Variants in PDZD2 observed in about 807,000 individuals in gnomAD.
The protein encoded by PDZD2 is PDZ domain-containing protein 2.
In PDZD2, 90 loss-of-function variants were observed where a neutral mutation model predicts 220.7. The observed-to-expected ratio is 0.41, with a 90% CI of 0.34 to 0.49. The LOEUF (loss-of-function observed/expected upper bound fraction) is 0.49, where lower values mean the gene tolerates loss of function less well. Ranked by LOEUF, PDZD2 falls within the 20% of genes least tolerant of loss-of-function variation. PDZD2 has a pLI of 0.28. For synonymous variants in PDZD2, 1,375 were observed against 1,450.5 expected (o/e 0.95, Z 1.18); for missense variants, 3,174 against 3,608.5 (o/e 0.88, Z 3.08).
At chr5:31,812,859 G>A (rs13357887) in intron 2 of PDZD2, among the ~76,000 whole-genome samples, 8,216 of 152,212 alleles carry the variant, frequency 0.054, 286 homozygotes, top group African/African-American at 0.1. Context: ...GGTATTACAG[G>A]AGTGAGCCAC....
chr5:32,053,613 C>G (rs1304211961), intron 9 of PDZD2, among the ~76,000 whole-genome samples, 156 bp from the exon 10 acceptor site: 1 of 152,226 alleles, frequency 6.6e-6, no homozygotes, highest in Admixed American at 6.5e-5. Flanking sequence ...GAGTTTGCAG[C>G]TAGTTGCTTA....
intron 2 of PDZD2, among the ~76,000 whole-genome samples, chr5:31,982,275 C>G (rs1335874546): frequency 2.6e-5 from 4 of 152,170 alleles, no homozygotes; most frequent in Non-Finnish European, 5.9e-5. Flanking sequence ...TGTACTGTTG[C>G]CACCAGTGCC....
intron 2 of PDZD2, among the ~76,000 whole-genome samples, chr5:31,902,841 G>A (rs1266246612): frequency 6.6e-6 from 1 of 151,516 alleles, no homozygotes; most frequent in African/African-American, 2.4e-5. Context: ...ACTCCAGCCT[G>A]GATGACAGTG....
At chr5:31,791,302 A>T (rs979159070) in intron 1 of PDZD2, among the ~76,000 whole-genome samples, 24 of 152,082 alleles carry the variant, frequency 1.6e-4, no homozygotes, top group Admixed American at 1.4e-3. Flanking sequence ...GTGAAAAAGC[A>T]CCTATTGGCC....
intron 2 of PDZD2, among the ~76,000 whole-genome samples, chr5:31,856,659 G>T (rs1015304530): frequency 6.6e-6 from 1 of 152,118 alleles, no homozygotes; most frequent in South Asian, 2.1e-4. Context: ...TTGAGCCTCT[G>T]TTCCTGCTAA....
chr5:31,882,327 A>G (rs1006166114), intron 2 of PDZD2, among the ~76,000 whole-genome samples: 3 of 152,148 alleles, frequency 2.0e-5, no homozygotes, highest in Admixed American at 6.5e-5. Flanking sequence ...AGAGAAAAGG[A>G]CCTCAGACCA....
chr5:31,895,148 A>G (rs1741430929), intron 2 of PDZD2, among the ~76,000 whole-genome samples: 1 of 152,152 alleles, frequency 6.6e-6, no homozygotes, highest in South Asian at 2.1e-4. Context: ...TCGGCCTCCC[A>G]AAGTGCTAGG....
intron 1 of PDZD2, among the ~76,000 whole-genome samples, chr5:31,700,510 CT>C (rs1351189116): frequency 6.6e-6 from 1 of 152,194 alleles, no homozygotes; most frequent in Non-Finnish European, 1.5e-5. Context: ...TAGGTGGCCC[CT>C]GTCTCATCCT....
At chr5:31,928,324 C>T (rs1183341126) in intron 2 of PDZD2, among the ~76,000 whole-genome samples, 2 of 152,156 alleles carry the variant, frequency 1.3e-5, no homozygotes, top group East Asian at 1.9e-4. Flanking sequence ...CTGCCTTGGC[C>T]TCTCAAGGTG....
At position 31,649,937 on chromosome 5, in the gene PDZD2, CAAAAAAAAAAAA is replaced by C. The variant is rs6148975; in HGVS notation, c.-361+10516_-361+10527del. ...TGGGCGACAGAGTGAGACTCCGTCT[CAAAAAAAAAAAA>C]AAAAAAAAAAAAAAATTAAGTCTCA... On this transcript the variant is annotated intron_variant, in intron 1 of 24. Coordinates refer to ENST00000438447, the MANE Select transcript of PDZD2 (RefSeq NM_178140.4). Among the ~76,000 whole-genome samples the C allele has an allele frequency of 6.1e-3, 452 of 73,510 alleles. 5 individuals carry two copies. Among genetic ancestry groups the C allele is most frequent in the African/African-American group, 0.024 (424 of 17,480 alleles). The allele number at this position is 73,510 out of a possible 152,430, so 48.2% of individuals were successfully genotyped here.
At chr5:31,900,628 G>A (rs1043950098) in intron 2 of PDZD2, among the ~76,000 whole-genome samples, 1 of 152,218 alleles carries the variant, frequency 6.6e-6, no homozygotes, top group African/African-American at 2.4e-5. Flanking sequence ...CCTGCCGAGA[G>A]GCAATGAGCC....
At chr5:31,994,104 A>G (rs1268875666) in intron 3 of PDZD2, among the ~76,000 whole-genome samples, 1 of 149,392 alleles carries the variant, frequency 6.7e-6, no homozygotes, top group African/African-American at 2.5e-5. Context: ...TGCAACCTCC[A>G]CCTTCTGGGT....
intron 2 of PDZD2, among the ~76,000 whole-genome samples, chr5:31,817,309 C>A (rs1402122548): frequency 6.6e-6 from 1 of 151,672 alleles, no homozygotes; most frequent in Non-Finnish European, 1.5e-5. Context: ...GCCTGGCCAA[C>A]GTGGTGAAAC....
chr5:31,759,993 C>T (rs1413517939), intron 1 of PDZD2, among the ~76,000 whole-genome samples: 2 of 152,186 alleles, frequency 1.3e-5, no homozygotes, highest in Non-Finnish European at 2.9e-5. Context: ...ATCTTCCAAC[C>T]TCAGGACTCT....
chr5:31,703,577 A>C (rs115010130), intron 1 of PDZD2, among the ~76,000 whole-genome samples: 3,612 of 152,262 alleles, frequency 0.024, 148 homozygotes, highest in African/African-American at 0.082. Context: ...AACCCATGGC[A>C]CATGCATGCC....
chr5:32,050,409 AAGG>A (rs1283284114), intron 8 of PDZD2, among the ~76,000 whole-genome samples: 1 of 152,188 alleles, frequency 6.6e-6, no homozygotes, highest in Non-Finnish European at 1.5e-5. Context: ...GAAAGTTTGA[AAGG>A]AGAGTTTTTC....
At chr5:31,724,551 G>C (rs376398056) in intron 1 of PDZD2, among the ~76,000 whole-genome samples, 1 of 142,438 alleles carries the variant, frequency 7.0e-6, no homozygotes, top group South Asian at 2.3e-4. Flanking sequence ...GCAGTGAGCC[G>C]AGATCGTGCC....
At position 32,044,259 on chromosome 5, in the gene PDZD2, G is replaced by A. The variant is rs754372875; in HGVS notation, c.1520-4280G>A. ...CAGGAGAATCGCTTGAACCCAGGAA[G>A]CGGAGGTTTCAGTGAGCTGATATTG... On this transcript the variant is annotated intron_variant, in intron 7 of 24. Transcript: ENST00000438447. Among the ~76,000 whole-genome samples, 8 of 152,278 alleles carry A rather than the reference G, an allele frequency of 5.3e-5. 1 individual carries two copies. In the South Asian group the frequency reaches 8.3e-4, roughly 16 times the overall value.
Position 31,799,061 on chromosome 5 carries a change from T to C in PDZD2, c.-188T>C, listed in dbSNP as rs1432129056. The stretch of plus-strand genomic sequence containing the variant: ...TTGTTCCACAGTTGTTCTAATTGGG[T>C]CCTAGCTTCCTCCTGCCAAGGCAAA... On this transcript the variant is annotated 5_prime_UTR_variant, in exon 2 of 25. Coordinates refer to ENST00000438447, the MANE Select transcript of PDZD2 (RefSeq NM_178140.4). 1.7e-6 allele frequency: 1 copy of C among 580,112 alleles called. No homozygotes were observed. Among genetic ancestry groups the C allele is most frequent in the Non-Finnish European group, 3.1e-6 (1 of 325,666 alleles). The allele number at this position is 580,112 out of a possible 1,614,324, so 35.9% of individuals were successfully genotyped here.
Sources: gnomAD v4.1 joint callset for allele counts (sites outside exome capture counted in the v4.1 genomes callset) on GRCh38, gnomAD v4.1.1 for gene constraint, MANE v1.5 for transcripts, NCBI Gene and HGNC (gene_info 2026-07-23, HGNC 2026-07-21) for gene names.